Variants in TMEM132C observed in about 807,000 individuals in gnomAD.
TMEM132C encodes transmembrane protein 132C.
A neutral mutation model predicts 61.4 loss-of-function variants in TMEM132C; 29 were observed. The ratio of observed to expected loss-of-function variants is 0.47; its 90% CI spans 0.35 to 0.64. The LOEUF (loss-of-function observed/expected upper bound fraction) is 0.64, where lower values mean the gene tolerates loss of function less well. Ranked by LOEUF, TMEM132C falls within the 30% of genes least tolerant of loss-of-function variation. TMEM132C has a pLI of 0.00. For synonymous variants in TMEM132C, 656 were observed against 633.1 expected, an observed-to-expected ratio of 1.04 and a Z score of -0.54; for missense variants, 1,408 against 1,476.9, an observed-to-expected ratio of 0.95 and a Z score of 0.76.
chr12:128,348,412 CT>C (rs1873238615), intron 1 of TMEM132C, among the ~76,000 whole-genome samples: 1 of 152,140 alleles, frequency 6.6e-6, no homozygotes, highest in African/African-American at 2.4e-5. Flanking sequence ...AATCTAGATG[CT>C]TTTCCTTTTC....
intron 4 of TMEM132C, among the ~76,000 whole-genome samples, chr12:128,651,690 G>C (rs954776943): frequency 6.6e-6 from 1 of 152,146 alleles, no homozygotes; most frequent in African/African-American, 2.4e-5. Context: ...ATCACAGCTA[G>C]GGAGACCATA....
chr12:128,672,765 A>G (rs987617987), intron 5 of TMEM132C, among the ~76,000 whole-genome samples: 1 of 152,156 alleles, frequency 6.6e-6, no homozygotes, highest in Non-Finnish European at 1.5e-5. Context: ...AATGCCATGG[A>G]GAGAAGATGG....
intron 2 of TMEM132C, among the ~76,000 whole-genome samples, chr12:128,481,376 G>A (rs927584560): frequency 3.3e-5 from 5 of 152,134 alleles, no homozygotes; most frequent in South Asian, 2.1e-4. Context: ...GGGACAGGAC[G>A]TCCACCAGGC....
At chr12:128,611,719 A>G (rs1234490937) in intron 3 of TMEM132C, among the ~76,000 whole-genome samples, 3 of 152,306 alleles carry the variant, frequency 2.0e-5, no homozygotes, top group East Asian at 1.9e-4. Context: ...GAGCTACGCT[A>G]TAGCTAAAAA....
At chr12:128,329,794 T>C (rs1193390) in intron 1 of TMEM132C, among the ~76,000 whole-genome samples, 32,161 of 152,046 alleles carry the variant, frequency 0.21, 8,501 homozygotes, top group African/African-American at 0.63. Flanking sequence ...GATGTCTGGG[T>C]GGCTAAACAT....
At chr12:128,689,041 C>T (rs1344947316) in intron 5 of TMEM132C, among the ~76,000 whole-genome samples, 8 of 151,958 alleles carry the variant, frequency 5.3e-5, no homozygotes, top group African/African-American at 1.7e-4. Flanking sequence ...TGGTCTCAAA[C>T]TCCTGATCTC....
intron 3 of TMEM132C, 78 bp from the exon 4 acceptor site, chr12:128,616,074 C>T: frequency 6.9e-7 from 1 of 1,458,030 alleles, no homozygotes; most frequent in Non-Finnish European, 9.1e-7. Context: ...TTGTCTTTAT[C>T]TTCTGCGTAC....
Position 128,705,862 on chromosome 12 carries a change from T to A in TMEM132C, c.2894T>A (p.Met965Lys). The A allele has an allele frequency of 6.4e-7, 1 of 1,551,606 alleles. No individual in the cohort carries two copies. Among genetic ancestry groups the A allele is most frequent in the Non-Finnish European group, 8.7e-7 (1 of 1,147,028 alleles). ...GTGCCCCTGGAAGGTCAGGCCTCCA[T>A]GACCCACTCTCACGACTGGGTGTGG... is the stretch of plus-strand genomic sequence containing the variant. ...KQVPLEGQAS[M>K]THSHDWVWLG... Residue 965 changes from methionine to lysine, a missense_variant, in exon 9 of 9, where the codon ATG becomes AAG. Coordinates refer to ENST00000435159, the MANE Select transcript of TMEM132C (RefSeq NM_001136103.3).
chr12:128,654,808 C>T (rs1162545210), intron 4 of TMEM132C, among the ~76,000 whole-genome samples: 1 of 152,178 alleles, frequency 6.6e-6, no homozygotes, highest in African/African-American at 2.4e-5. Context: ...TCAAGACAAA[C>T]AGAGGTGACA....
At chr12:128,627,294 G>A (rs1390695322) in intron 4 of TMEM132C, among the ~76,000 whole-genome samples, 2 of 152,112 alleles carry the variant, frequency 1.3e-5, no homozygotes, top group Non-Finnish European at 2.9e-5. Flanking sequence ...TCCCCTCCCC[G>A]CTGAAATCTG....
chr12:128,464,629 G>T (rs1208112465), intron 2 of TMEM132C, among the ~76,000 whole-genome samples: 1 of 152,116 alleles, frequency 6.6e-6, no homozygotes, highest in Non-Finnish European at 1.5e-5. Context: ...GCTAGACATG[G>T]TAGCACATGT....
At chr12:128,546,117 C>T (rs775391236) in intron 3 of TMEM132C, among the ~76,000 whole-genome samples, 20 of 152,092 alleles carry the variant, frequency 1.3e-4, no homozygotes, top group Non-Finnish European at 2.6e-4. Context: ...AAATGCCAAC[C>T]GTCACCATCA....
intron 3 of TMEM132C, among the ~76,000 whole-genome samples, chr12:128,587,365 C>G (rs10847652): frequency 0.56 from 85,611 of 151,984 alleles, 25,326 homozygotes; most frequent in East Asian, 0.8. Context: ...CGAATCTCAT[C>G]TGGCCAGAGG....
intron 2 of TMEM132C, among the ~76,000 whole-genome samples, chr12:128,484,710 A>G (rs566461244): frequency 6.6e-6 from 1 of 152,160 alleles, no homozygotes; most frequent in Non-Finnish European, 1.5e-5. Context: ...TAATCTCAGC[A>G]CTTTGGGAGG....
chr12:128,522,932 G>T (rs764920262), intron 2 of TMEM132C, among the ~76,000 whole-genome samples: 39 of 152,254 alleles, frequency 2.6e-4, no homozygotes, highest in South Asian at 6.2e-4. Context: ...ATTGAAAGCA[G>T]AACTCAAAGA....
intron 1 of TMEM132C, among the ~76,000 whole-genome samples, chr12:128,400,397 C>A (rs941909183): frequency 6.6e-6 from 1 of 152,134 alleles, no homozygotes; most frequent in South Asian, 2.1e-4. Flanking sequence ...CCTTCTTTCC[C>A]AGAAGTCCTA....
At chr12:128,428,729 G>A (rs1869280882) in intron 2 of TMEM132C, among the ~76,000 whole-genome samples, 1 of 152,164 alleles carries the variant, frequency 6.6e-6, no homozygotes, top group African/African-American at 2.4e-5. Flanking sequence ...GAGGATGGCT[G>A]TAAATTCAGA....
intron 3 of TMEM132C, among the ~76,000 whole-genome samples, chr12:128,578,311 C>G (rs1875196834): frequency 6.6e-6 from 1 of 152,200 alleles, no homozygotes; most frequent in South Asian, 2.1e-4. Flanking sequence ...GGCCCCACCT[C>G]CCACACTGGT....
At chr12:128,432,128 A>G (rs185773032) in intron 2 of TMEM132C, among the ~76,000 whole-genome samples, 1 of 152,360 alleles carries the variant, frequency 6.6e-6, no homozygotes, top group East Asian at 1.9e-4. Context: ...ATGACTGCTC[A>G]CTGACAATGC....
Sources: gnomAD v4.1 joint callset for allele counts (sites outside exome capture counted in the v4.1 genomes callset) on GRCh38, gnomAD v4.1.1 for gene constraint, MANE v1.5 for transcripts, NCBI Gene and HGNC (gene_info 2026-07-23, HGNC 2026-07-21) for gene names.